Variants in SBF2 observed in about 807,000 individuals in gnomAD.
SBF2 encodes the protein myotubularin-related protein 13.
A neutral mutation model predicts 225.2 loss-of-function variants in SBF2; 112 were observed. The ratio of observed to expected loss-of-function variants is 0.50; its 90% CI spans 0.43 to 0.58. SBF2 has a LOEUF of 0.58. SBF2 is among the 20% of genes least tolerant of loss of function. The pLI, the probability that SBF2 is intolerant of heterozygous loss-of-function variation, is 0.00. For synonymous variants in SBF2, 763 were observed against 773.3 expected, an observed-to-expected ratio of 0.99 and a Z score of 0.22; for missense variants, 1,996 against 2,206.2, an observed-to-expected ratio of 0.90 and a Z score of 1.91.
intron 2 of SBF2, among the ~76,000 whole-genome samples, chr11:10,145,741 T>C (rs189335040): frequency 2.4e-4 from 37 of 152,316 alleles, no homozygotes; most frequent in Non-Finnish European, 4.0e-4. Context: ...TCTATACTAA[T>C]GTCACAAATA....
chr11:10,289,775 G>A (rs1297411405), intron 1 of SBF2, among the ~76,000 whole-genome samples: 4 of 152,238 alleles, frequency 2.6e-5, no homozygotes, highest in East Asian at 1.9e-4. Context: ...TCCCACTTCC[G>A]GCCCCAGACC....
intron 37 of SBF2, 123 bp from the exon 38 acceptor site, chr11:9,784,561 AT>A: frequency 2.6e-6 from 2 of 770,010 alleles, no homozygotes; most frequent in Non-Finnish European, 2.2e-6. Flanking sequence ...AAAATGGCCT[AT>A]AAGAGTTCTC....
intron 16 of SBF2, among the ~76,000 whole-genome samples, chr11:9,920,297 G>C (rs905918179): frequency 6.6e-6 from 1 of 151,858 alleles, no homozygotes; most frequent in Non-Finnish European, 1.5e-5. Context: ...GAATTGGGAA[G>C]GGGGAAGAAT....
chr11:9,884,793 G>C (rs1199325440), intron 17 of SBF2, among the ~76,000 whole-genome samples: 1 of 152,110 alleles, frequency 6.6e-6, no homozygotes, highest in East Asian at 1.9e-4. Context: ...GGCTAAATTA[G>C]TCACTCTTCT....
chr11:10,213,769 T>C (rs968662537), intron 1 of SBF2, among the ~76,000 whole-genome samples: 4 of 152,176 alleles, frequency 2.6e-5, no homozygotes. Context: ...CAAGGGAGGC[T>C]CAGTACAAAC....
intron 1 of SBF2, among the ~76,000 whole-genome samples, chr11:10,299,337 C>CAAAAAAA (rs5789634): frequency 1.6e-5 from 1 of 63,136 alleles, no homozygotes. Flanking sequence ...GAGTCCATCT[C>CAAAAAAA]AAAAAAAAAA....
At chr11:10,226,742 G>A (rs918053020) in intron 1 of SBF2, among the ~76,000 whole-genome samples, 4 of 152,062 alleles carry the variant, frequency 2.6e-5, no homozygotes, top group Non-Finnish European at 5.9e-5. Context: ...TTGGACATTT[G>A]GCTTGGTTCC....
At chr11:9,830,745 C>CAAAAAA (rs553674434) in intron 27 of SBF2, among the ~76,000 whole-genome samples, 4 of 111,030 alleles carry the variant, frequency 3.6e-5, no homozygotes, top group African/African-American at 6.6e-5. Flanking sequence ...AGCTCAAAAA[C>CAAAAAA]AAAAAAAAAA....
chr11:10,220,703 G>C (rs78821193), intron 1 of SBF2, among the ~76,000 whole-genome samples: 2,201 of 152,220 alleles, frequency 0.014, 43 homozygotes, highest in African/African-American at 0.037. Flanking sequence ...CTTGACATGA[G>C]ATTCAAGGCC....
intron 16 of SBF2, among the ~76,000 whole-genome samples, chr11:9,900,104 T>TACAA (rs1861608635): frequency 6.6e-6 from 1 of 151,440 alleles, no homozygotes; most frequent in African/African-American, 2.4e-5. Flanking sequence ...GGGAATTCGG[T>TACAA]ATACAGCATT....
chr11:10,213,248 G>A lies in SBF2; in HGVS notation c.56-19261C>T, dbSNP rs185157905. ...GTAGAGAACACCCATCTTGGAGGAT[G>A]TTTTTAGAGAGTAAGGAAGCCAGCT... On this transcript the variant is annotated intron_variant, in intron 1 of 39. Coordinates refer to ENST00000256190, the MANE Select transcript of SBF2 (RefSeq NM_030962.4). 2.0e-5 allele frequency among the ~76,000 whole-genome samples: 3 copies of A among 152,234 alleles called. No homozygotes were observed. The East Asian group carries it at 5.8e-4, about 29-fold the overall frequency.
chr11:9,779,768 T>C lies in SBF2; in HGVS notation c.*650A>G, dbSNP rs1294095821. 2 of 157,664 alleles carry C rather than the reference T, an allele frequency of 1.3e-5. No homozygotes were observed. Among genetic ancestry groups the C allele is most frequent in the African/African-American group, 2.4e-5 (1 of 41,482 alleles). The allele number at this position is 157,664 out of a possible 1,614,324, so 9.8% of individuals were successfully genotyped here. ...GTTTTGGAAGTAGTGTTTTCCTGCA[T>C]TGGGCTGGTCATTGTTGTACCATTC... On this transcript the variant is annotated 3_prime_UTR_variant, in exon 40 of 40. Coordinates refer to ENST00000256190, the MANE Select transcript of SBF2 (RefSeq NM_030962.4).
intron 16 of SBF2, among the ~76,000 whole-genome samples, chr11:9,926,478 A>G (rs528154410): frequency 6.6e-6 from 1 of 152,250 alleles, no homozygotes; most frequent in East Asian, 1.9e-4. Context: ...TCAAGTGCAT[A>G]AGGAATAGCT....
chr11:10,038,874 T>A (rs920993185), intron 3 of SBF2, among the ~76,000 whole-genome samples: 6 of 151,900 alleles, frequency 3.9e-5, no homozygotes, highest in Admixed American at 3.9e-4. Flanking sequence ...TTTAGATATT[T>A]AAAATTTTAT....
chr11:9,795,537 G>C (rs1441434226), intron 33 of SBF2, among the ~76,000 whole-genome samples: 1 of 152,154 alleles, frequency 6.6e-6, no homozygotes, highest in Non-Finnish European at 1.5e-5. Context: ...AGTGCATCAG[G>C]GTTGGAAAAA....
intron 1 of SBF2, among the ~76,000 whole-genome samples, chr11:10,206,386 C>T (rs1270858773): frequency 1.3e-5 from 2 of 152,066 alleles, no homozygotes; most frequent in African/African-American, 4.8e-5. Flanking sequence ...CAAAATTAGA[C>T]TATGGTCTAC....
At chr11:10,172,513 G>A (rs567813750) in intron 2 of SBF2, among the ~76,000 whole-genome samples, 11 of 152,070 alleles carry the variant, frequency 7.2e-5, no homozygotes, top group Non-Finnish European at 1.0e-4. Flanking sequence ...CACCGCGCCC[G>A]GCTAATTTTT....
chr11:10,231,015 A>C (rs893820909), intron 1 of SBF2, among the ~76,000 whole-genome samples: 2 of 151,860 alleles, frequency 1.3e-5, no homozygotes, highest in African/African-American at 2.4e-5. Flanking sequence ...ATTTCTTTTC[A>C]TTCTTTTTTC....
In SBF2 at chr11:10,081,177, A is replaced by G. The variant is rs1951349864; in HGVS notation, c.142-38196T>C. On this transcript the variant is annotated intron_variant, in intron 2 of 39. Transcript: ENST00000256190. ...AGACAGTAACTATATTAGGTCACAA[A>G]AAAAGTCTCAATAAATTTTAAAAAA... Among the ~76,000 whole-genome samples the G allele has an allele frequency of 2.6e-5, 4 of 152,214 alleles. No individual in the cohort carries two copies. In the South Asian group the frequency reaches 8.3e-4, roughly 32 times the overall value.
Sources: gnomAD v4.1 joint callset for allele counts (sites outside exome capture counted in the v4.1 genomes callset) on GRCh38, gnomAD v4.1.1 for gene constraint, MANE v1.5 for transcripts, NCBI Gene and HGNC (gene_info 2026-07-23, HGNC 2026-07-21) for gene names.